RYR3: variants seen among roughly 807,000 people sequenced by gnomAD.
RYR3 encodes the protein ryanodine receptor 3.
RYR3 carries 207 observed loss-of-function variants against 584.3 expected under a neutral mutation model. The ratio of observed to expected loss-of-function variants is 0.35; its 90% CI spans 0.32 to 0.40. RYR3 has a LOEUF of 0.40. Among genes scored for constraint, RYR3 ranks in the 10% least tolerant of loss-of-function variants. The pLI is 1.00. For missense variants in RYR3, 5,616 were observed against 6,089.2 expected, an observed-to-expected ratio of 0.92 and a Z score of 2.59; for synonymous variants, 2,416 against 2,248.5, an observed-to-expected ratio of 1.07 and a Z score of -2.11.
At chr15:33,407,530 C>T (rs2043108636) in intron 1 of RYR3, among the ~76,000 whole-genome samples, 1 of 151,972 alleles carries the variant, frequency 6.6e-6, no homozygotes, top group Non-Finnish European at 1.5e-5. Context: ...TCACCTGGGG[C>T]CTTGGAAGTC....
intron 60 of RYR3, among the ~76,000 whole-genome samples, chr15:33,763,707 C>T (rs910413164): frequency 6.6e-6 from 1 of 151,900 alleles, no homozygotes; most frequent in Admixed American, 6.6e-5. Flanking sequence ...GCCTGGCCAA[C>T]ATGGTGAAAC....
At chr15:33,637,322 C>T (rs1293340976) in intron 27 of RYR3, among the ~76,000 whole-genome samples, 1 of 152,204 alleles carries the variant, frequency 6.6e-6, no homozygotes, top group Non-Finnish European at 1.5e-5. Context: ...AGAATAAAAG[C>T]ATTGATGAAA....
intron 38 of RYR3, among the ~76,000 whole-genome samples, chr15:33,695,333 C>A (rs2065763358): frequency 6.6e-6 from 1 of 152,184 alleles, no homozygotes; most frequent in Non-Finnish European, 1.5e-5. Context: ...TGCCAATCAG[C>A]AATTTTCAGG....
intron 38 of RYR3, among the ~76,000 whole-genome samples, chr15:33,673,339 G>A (rs2063961719): frequency 1.3e-5 from 2 of 152,208 alleles, no homozygotes; most frequent in Non-Finnish European, 1.5e-5. Flanking sequence ...AACTTTTCTA[G>A]GAAAGAGAGA....
chr15:33,383,703 C>T (rs181500823), intron 1 of RYR3, among the ~76,000 whole-genome samples: 14 of 152,260 alleles, frequency 9.2e-5, no homozygotes, highest in African/African-American at 3.4e-4. Flanking sequence ...CCCTCTTCCA[C>T]CCTCCCCCAT....
intron 1 of RYR3, among the ~76,000 whole-genome samples, chr15:33,353,648 A>G (rs1172871954): frequency 6.6e-6 from 1 of 152,198 alleles, no homozygotes; most frequent in Non-Finnish European, 1.5e-5. Context: ...ACACTTTAAA[A>G]TCAGGGGTTG....
At position 33,756,360 on chromosome 15, in the gene RYR3, A is replaced by G; in HGVS notation, c.8570A>G (p.Lys2857Arg). 6.3e-7 allele frequency: 1 copy of G among 1,575,966 alleles called. No homozygotes were observed. The highest frequency in any genetic ancestry group is 8.6e-7 in the Non-Finnish European group (1 of 1,159,672). The change falls in exon 59 of 104, where the codon AAA becomes AGA. Residue 2857 changes from lysine to arginine, a missense_variant. By Grantham distance (26) the Lys-to-Arg change is conservative (BLOSUM62 2). Transcript: ENST00000634891. ...AAGTCTCCCCGTGACCAGGAGATCA[A>G]ATTCTTTGCCAAAGTAAGTGGCCCT... ...TEKSPRDQEI[K>R]FFAKVLLPLV...
At position 33,800,762 on chromosome 15, in the gene RYR3, G is replaced by C. The variant is rs377437662; in HGVS notation, c.9831-8G>C. 1.8e-4 allele frequency: 288 copies of C among 1,606,954 alleles called. 3 individuals carry two copies. In the African/African-American group the frequency reaches 3.4e-3, roughly 19 times the overall value. ...TTCAAATGCCTGTTTATTTACTTTTGGACCCAGATCTAACTGGCTGAAAAG... is the reference window on the plus strand; with the variant it reads ...TTCAAATGCCTGTTTATTTACTTTTCGACCCAGATCTAACTGGCTGAAAAG... On this transcript the variant is annotated splice_polypyrimidine_tract_variant and splice_region_variant and intron_variant, in intron 67 of 103. Coordinates refer to ENST00000634891, the MANE Select transcript of RYR3 (RefSeq NM_001036.6).
intron 11 of RYR3, 123 bp from the exon 12 acceptor site, chr15:33,566,555 G>A: frequency 9.6e-7 from 1 of 1,041,768 alleles, no homozygotes; most frequent in Non-Finnish European, 1.5e-6. Flanking sequence ...TCTCAAAATG[G>A]ACCCAAGAGA....
chr15:33,657,585 T>A (rs1274642915), intron 32 of RYR3, among the ~76,000 whole-genome samples: 1 of 152,198 alleles, frequency 6.6e-6, no homozygotes, highest in Non-Finnish European at 1.5e-5. Flanking sequence ...GAATTTCCTA[T>A]TCATGTCTCA....
intron 66 of RYR3, among the ~76,000 whole-genome samples, chr15:33,787,801 G>A (rs747098684): frequency 5.3e-5 from 8 of 152,178 alleles, no homozygotes; most frequent in Non-Finnish European, 1.0e-4. Context: ...CTGAGTGCCC[G>A]CTGTTAGTGC....
intron 2 of RYR3, among the ~76,000 whole-genome samples, chr15:33,497,294 A>C (rs556750551): frequency 6.6e-6 from 1 of 152,118 alleles, no homozygotes; most frequent in Non-Finnish European, 1.5e-5. Flanking sequence ...TGCTGTCTAC[A>C]TGGTCTTTCT....
intron 69 of RYR3, among the ~76,000 whole-genome samples, chr15:33,806,408 T>C (rs928799503): frequency 6.6e-6 from 1 of 152,048 alleles, no homozygotes; most frequent in African/African-American, 2.4e-5. Flanking sequence ...ATCCCAGTAC[T>C]TTAGGAAGCT....
At chr15:33,408,132 A>G (rs1165305459) in intron 1 of RYR3, among the ~76,000 whole-genome samples, 1 of 152,126 alleles carries the variant, frequency 6.6e-6, no homozygotes, top group Non-Finnish European at 1.5e-5. Context: ...GGTAATGAGC[A>G]TAGTACCCAA....
Position 33,610,156 on chromosome 15 carries a change from A to G in RYR3, c.2165-3027A>G, listed in dbSNP as rs1453413175. ...CTGTCCAGCTTTATTGCCCCACCATATCTCCCTCATCCAGCCTTCATTAAC... is the reference window on the plus strand; with the variant it reads ...CTGTCCAGCTTTATTGCCCCACCATGTCTCCCTCATCCAGCCTTCATTAAC... On this transcript the variant is annotated intron_variant, in intron 18 of 103. Coordinates refer to ENST00000634891, the MANE Select transcript of RYR3 (RefSeq NM_001036.6). Among the ~76,000 whole-genome samples the G allele has an allele frequency of 3.3e-5, 5 of 152,120 alleles. No homozygotes were observed. In the East Asian group the frequency reaches 7.7e-4, roughly 23 times the overall value.
chr15:33,823,089 T>C lies in RYR3; in HGVS notation c.11072+17T>C. 1 of 1,603,524 alleles carries C rather than the reference T, an allele frequency of 6.2e-7. No homozygotes were observed. The highest frequency in any genetic ancestry group is 8.5e-7 in the Non-Finnish European group (1 of 1,173,568). On this transcript the variant is annotated intron_variant, in intron 81 of 103. Coordinates refer to ENST00000634891, the MANE Select transcript of RYR3 (RefSeq NM_001036.6). ...GTCTTGCAGGTAAATGCGGGAAAACTACCATAGCATTTAAAAAACTCTTCC... is the reference window on the plus strand; with the variant it reads ...GTCTTGCAGGTAAATGCGGGAAAACCACCATAGCATTTAAAAAACTCTTCC...
At chr15:33,359,807 G>A (rs1249756290) in intron 1 of RYR3, among the ~76,000 whole-genome samples, 1 of 151,732 alleles carries the variant, frequency 6.6e-6, no homozygotes, top group Non-Finnish European at 1.5e-5. Flanking sequence ...TTTTTTAGTG[G>A]AGACGGGGTT....
At chr15:33,581,774 T>TTA in intron 14 of RYR3, 131 bp downstream of exon 14, 3 of 778,262 alleles carry the variant, frequency 3.9e-6, no homozygotes, top group Non-Finnish European at 6.3e-6. Flanking sequence ...AAGTCTTTTG[T>TTA]TAACCATTCA....
intron 1 of RYR3, among the ~76,000 whole-genome samples, chr15:33,356,265 A>G (rs1355020365): frequency 6.6e-6 from 1 of 152,210 alleles, no homozygotes; most frequent in Non-Finnish European, 1.5e-5. Context: ...TTAAAGCAGA[A>G]TAACTGTCAT....
Sources: allele counts gnomAD v4.1 joint callset (sites outside exome capture counted in the v4.1 genomes callset), GRCh38; gene constraint gnomAD v4.1.1; transcripts MANE v1.5; gene names NCBI Gene and HGNC (gene_info 2026-07-23, HGNC 2026-07-21).